Variants in ANKIB1 observed in about 807,000 individuals in gnomAD.
ANKIB1 encodes the protein ankyrin repeat and IBR domain containing 1, also known as ankyrin repeat and IBR domain-containing protein 1.
In ANKIB1, 43 loss-of-function variants were observed where a neutral mutation model predicts 122.1. The observed-to-expected ratio is 0.35, with a 90% confidence interval of 0.28 to 0.45. The LOEUF (loss-of-function observed/expected upper bound fraction) is 0.45, where lower values mean the gene tolerates loss of function less well. Ranked by LOEUF, ANKIB1 falls within the 20% of genes least tolerant of loss-of-function variation. The pLI, the probability that ANKIB1 is intolerant of heterozygous loss-of-function variation, is 1.00. For missense variants in ANKIB1, 992 were observed against 1,329.5 expected, an observed-to-expected ratio of 0.75 and a Z score of 3.95; for synonymous variants, 390 against 442.0, an observed-to-expected ratio of 0.88 and a Z score of 1.48.
At chr7:92,323,800 TATGGA>T (rs1427249656) in intron 4 of ANKIB1, among the ~76,000 whole-genome samples, 1 of 152,194 alleles carries the variant, frequency 6.6e-6, no homozygotes, top group Non-Finnish European at 1.5e-5. Context: ...CTATATATAA[TATGGA>T]TCAACCTCAG....
At position 92,389,892 on chromosome 7, in the gene ANKIB1, A is replaced by G. The variant is rs1047917665; in HGVS notation, c.1907-79A>G. 5.5e-5 allele frequency: 78 copies of G among 1,424,060 alleles called. No homozygotes were observed. The South Asian group carries it at 6.3e-4, about 11-fold the overall frequency. The allele number at this position is 1,424,060 out of a possible 1,614,324, so 88.2% of individuals were successfully genotyped here. A position where few individuals can be genotyped will look rare whatever the true frequency, so the allele number is the denominator to read the frequency against. On this transcript the variant is annotated intron_variant, in intron 14 of 19. Coordinates refer to ENST00000265742, the MANE Select transcript of ANKIB1 (RefSeq NM_019004.2). ...TGATCCTTCTTTTTCCTTTTTTGAG[A>G]AAAAAAATCATTGTTTAATTAATAT...
chr7:92,326,313 A>T (rs1803026546), intron 4 of ANKIB1, among the ~76,000 whole-genome samples: 1 of 152,192 alleles, frequency 6.6e-6, no homozygotes, highest in Non-Finnish European at 1.5e-5. Flanking sequence ...ACTGCAAGCA[A>T]AGCTAATTTT....
rs1031467483 is a variant in ANKIB1, at chr7:92,300,696, TTC to T, written c.188+5532_188+5533del. On this transcript the variant is annotated intron_variant, in intron 2 of 19. Coordinates refer to ENST00000265742, the MANE Select transcript of ANKIB1 (RefSeq NM_019004.2). ...ACATATTTATCTCCTCAAATAGTTT[TTC>T]TGTGTGGCGAAAATACTTAAATTAT... is the stretch of plus-strand genomic sequence containing the variant. Among the ~76,000 whole-genome samples, 17 of 152,278 alleles carry T rather than the reference TTC, an allele frequency of 1.1e-4. 1 individual carries two copies. Among genetic ancestry groups the T allele is most frequent in the African/African-American group, 3.6e-4 (15 of 41,558 alleles).
chr7:92,370,291 G>A (rs954500462), intron 10 of ANKIB1, among the ~76,000 whole-genome samples: 4 of 151,558 alleles, frequency 2.6e-5, no homozygotes, highest in African/African-American at 9.7e-5. Context: ...GGCGGATCAC[G>A]AGGTCAGGAG....
intron 11 of ANKIB1, among the ~76,000 whole-genome samples, chr7:92,372,755 A>T (rs1251869409): frequency 6.6e-6 from 1 of 152,190 alleles, no homozygotes; most frequent in Non-Finnish European, 1.5e-5. Context: ...ACATTTTATT[A>T]ATCCCTACCT....
Position 92,321,478 on chromosome 7 carries a change from C to A in ANKIB1, c.669+1966C>A, listed in dbSNP as rs75637675. On this transcript the variant is annotated intron_variant, in intron 4 of 19. Coordinates refer to ENST00000265742, the MANE Select transcript of ANKIB1 (RefSeq NM_019004.2). Reference sequence around the variant, plus strand: ...TTTCTCTCCTATTAGACTGTCAATTCCATGAAGGCTAGAGCCATATCTGCC... The same window carrying A: ...TTTCTCTCCTATTAGACTGTCAATTACATGAAGGCTAGAGCCATATCTGCC... 1.9e-3 allele frequency among the ~76,000 whole-genome samples: 287 copies of A among 152,228 alleles called. 2 individuals carry two copies. Among genetic ancestry groups the A allele is most frequent in the East Asian group, 0.019 (97 of 5,180 alleles).
intron 10 of ANKIB1, among the ~76,000 whole-genome samples, chr7:92,363,202 A>G (rs1281774415): frequency 2.0e-5 from 3 of 152,000 alleles, no homozygotes; most frequent in Non-Finnish European, 4.4e-5. Flanking sequence ...CATGAGGTCA[A>G]GAGATGGAGA....
intron 1 of ANKIB1, among the ~76,000 whole-genome samples, chr7:92,290,873 G>A (rs574228767): frequency 2.0e-5 from 3 of 152,252 alleles, no homozygotes; most frequent in Admixed American, 2.0e-4. Context: ...AGGCTGGGAA[G>A]GGTTGTTGTG....
chr7:92,246,882 TAGAG>T (rs956700035), intron 1 of ANKIB1, among the ~76,000 whole-genome samples: 20 of 152,146 alleles, frequency 1.3e-4, no homozygotes, highest in Non-Finnish European at 1.9e-4. Flanking sequence ...CCTCGGGGGC[TAGAG>T]AGAGTCTTGA....
At chr7:92,248,982 G>GGGTCAAACGATTCTCCTGC (rs1482933418) in intron 1 of ANKIB1, among the ~76,000 whole-genome samples, 2 of 149,982 alleles carry the variant, frequency 1.3e-5, no homozygotes, top group Admixed American at 1.3e-4. Context: ...CCGCCTCCTG[G>GGGTCAAACGATTCTCCTGC]GGTCAAACGA....
At chr7:92,306,771 A>G (rs1470597547) in intron 2 of ANKIB1, among the ~76,000 whole-genome samples, 1 of 152,202 alleles carries the variant, frequency 6.6e-6, no homozygotes, top group Non-Finnish European at 1.5e-5. Context: ...GCAGATTAAG[A>G]CATCGTGTAA....
intron 1 of ANKIB1, among the ~76,000 whole-genome samples, chr7:92,285,667 A>G (rs1802107250): frequency 6.6e-6 from 1 of 152,248 alleles, no homozygotes. Flanking sequence ...TGTCATAGGA[A>G]ACAAGATCTA....
chr7:92,338,929 AAAAAATATATATATATAT>A (rs1465903423), intron 5 of ANKIB1, among the ~76,000 whole-genome samples: 1 of 36,822 alleles, frequency 2.7e-5, no homozygotes, highest in African/African-American at 9.4e-5. Context: ...AAAAAAAAAA[AAAAAATATATATATATAT>A]ATATATATAT....
At chr7:92,308,589 A>G (rs917079550) in intron 3 of ANKIB1, among the ~76,000 whole-genome samples, 1 of 152,108 alleles carries the variant, frequency 6.6e-6, no homozygotes, top group African/African-American at 2.4e-5. Flanking sequence ...ACTGTATTAT[A>G]CTGTAATTTT....
intron 3 of ANKIB1, among the ~76,000 whole-genome samples, chr7:92,310,492 C>T (rs1156295871): frequency 6.6e-6 from 1 of 152,064 alleles, no homozygotes; most frequent in Non-Finnish European, 1.5e-5. Flanking sequence ...GCTAATTAAA[C>T]CAGAAGAGTT....
intron 11 of ANKIB1, among the ~76,000 whole-genome samples, chr7:92,381,838 G>T (rs1276999885): frequency 2.0e-5 from 3 of 152,036 alleles, no homozygotes; most frequent in Admixed American, 2.0e-4. Flanking sequence ...ATCAACTAAC[G>T]GGCAAAATAA....
chr7:92,268,977 T>G (rs897307250), intron 1 of ANKIB1, among the ~76,000 whole-genome samples: 1 of 152,210 alleles, frequency 6.6e-6, no homozygotes, highest in Non-Finnish European at 1.5e-5. Context: ...AAAGTATAAA[T>G]TATTCATCAT....
chr7:92,378,636 A>G (rs1280358286), intron 11 of ANKIB1, among the ~76,000 whole-genome samples: 1 of 152,198 alleles, frequency 6.6e-6, no homozygotes, highest in Non-Finnish European at 1.5e-5. Flanking sequence ...TTCAAGAACA[A>G]GATGAAGATA....
chr7:92,374,303 C>T (rs896525062), intron 11 of ANKIB1, among the ~76,000 whole-genome samples: 1 of 152,088 alleles, frequency 6.6e-6, no homozygotes, highest in Non-Finnish European at 1.5e-5. Context: ...ATAGTGAAGC[C>T]TCATCTCTAC....
Sources: gnomAD v4.1 joint callset for allele counts (sites outside exome capture counted in the v4.1 genomes callset) on GRCh38, gnomAD v4.1.1 for gene constraint, MANE v1.5 for transcripts, NCBI Gene and HGNC (gene_info 2026-07-23, HGNC 2026-07-21) for gene names.